Variants in ZNF365 observed in about 807,000 individuals in gnomAD.
ZNF365 encodes zinc finger protein 365, also known as protein ZNF365.
Under a neutral mutation model 35.0 loss-of-function variants are expected in ZNF365, and 22 were observed. That is an observed-to-expected ratio of 0.63 (90% CI 0.45 to 0.90). The LOEUF (loss-of-function observed/expected upper bound fraction) is 0.90, where lower values mean the gene tolerates loss of function less well. Among genes scored for constraint, ZNF365 ranks in the 40% least tolerant of loss-of-function variants. The pLI is 0.00. For synonymous variants in ZNF365, 188 were observed against 196.2 expected (o/e 0.96, Z 0.35); for missense variants, 448 against 500.3 (o/e 0.90, Z 1.00).
At chr10:62,472,566 G>A (rs533633970) in intron 4 of ZNF365, among the ~76,000 whole-genome samples, 5 of 152,292 alleles carry the variant, frequency 3.3e-5, no homozygotes, top group African/African-American at 1.2e-4. Context: ...GCAAAGTGAG[G>A]AGAGGGGCCT....
rs370438883 is a variant in ZNF365, at chr10:62,376,769, G to A, written c.576G>A (p.Ala192=). Residue 192 remains alanine (A), a synonymous_variant, in exon 2 of 5, where the codon GCG becomes GCA. Transcript: ENST00000395254. The part of the protein sequence containing the change: ...KLTKELAQKT[A]ELLEVRAAFV... ...CCAAAGAGTTGGCCCAGAAAACTGC[G>A]GAACTGTTGGAAGTTCGGGCAGCTT... 11 of 1,614,048 alleles carry A rather than the reference G, an allele frequency of 6.8e-6. No individual in the cohort carries two copies. The highest frequency in any genetic ancestry group is 2.2e-5 in the South Asian group (2 of 91,086).
At chr10:62,477,569 C>T (rs1221480762) in intron 4 of ZNF365, among the ~76,000 whole-genome samples, 4 of 152,068 alleles carry the variant, frequency 2.6e-5, no homozygotes, top group Admixed American at 2.6e-4. Flanking sequence ...TTATTAGCAC[C>T]GTTTATTGCT....
intron 3 of ZNF365, among the ~76,000 whole-genome samples, chr10:62,441,266 A>G (rs138943536): frequency 1.3e-3 from 192 of 152,274 alleles, no homozygotes; most frequent in African/African-American, 4.2e-3. Flanking sequence ...CATACTTAGA[A>G]CCATTCTACA....
Position 62,376,904 on chromosome 10 carries a change from G to C in ZNF365, c.711G>C (p.Thr237=), listed in dbSNP as rs376981865. ...EMIAVLRQRL[T]ESEEELLRKE... is the part of the protein sequence containing the mutation. The stretch of plus-strand genomic sequence containing the variant: ...TAGCTGTACTGAGGCAACGCCTGAC[G>C]GAATCTGAGGAGGAGCTTCTTAGGA... The change falls in exon 2 of 5, where the codon ACG becomes ACC. Residue 237 remains threonine, a synonymous_variant. Coordinates refer to ENST00000395254, the MANE Select transcript of ZNF365 (RefSeq NM_014951.3). 1 of 1,613,346 alleles carries C rather than the reference G, an allele frequency of 6.2e-7. No individual in the cohort carries two copies. Among genetic ancestry groups the C allele is most frequent in the African/African-American group, 1.3e-5 (1 of 74,970 alleles).
At chr10:62,435,232 G>T (rs773253408) in intron 3 of ZNF365, among the ~76,000 whole-genome samples, 1 of 152,132 alleles carries the variant, frequency 6.6e-6, no homozygotes, top group Non-Finnish European at 1.5e-5. Flanking sequence ...TCTCTGCATT[G>T]GTGGGTGAAA....
At chr10:62,455,979 T>G (rs1312558921) in intron 3 of ZNF365, among the ~76,000 whole-genome samples, 1 of 152,170 alleles carries the variant, frequency 6.6e-6, no homozygotes, top group Non-Finnish European at 1.5e-5. Flanking sequence ...TGTTGTTTGA[T>G]TCATTGACTT....
At chr10:62,393,454 G>A (rs1207197085) in intron 3 of ZNF365, among the ~76,000 whole-genome samples, 1 of 152,152 alleles carries the variant, frequency 6.6e-6, no homozygotes, top group African/African-American at 2.4e-5. Context: ...TAACAGCTAT[G>A]GTGTCACTTG....
intron 3 of ZNF365, among the ~76,000 whole-genome samples, chr10:62,445,846 G>A (rs1208349251): frequency 1.3e-5 from 2 of 152,174 alleles, no homozygotes; most frequent in African/African-American, 4.8e-5. Flanking sequence ...GCCTCGGTCA[G>A]ACCATGGTAG....
chr10:62,469,452 G>T (rs1840997858), intron 4 of ZNF365, among the ~76,000 whole-genome samples: 1 of 152,170 alleles, frequency 6.6e-6, no homozygotes, highest in South Asian at 2.1e-4. Context: ...CACTGACACA[G>T]TTAAATACCC....
chr10:62,432,279 G>A (rs10761635), intron 3 of ZNF365, among the ~76,000 whole-genome samples: 91,203 of 151,920 alleles, frequency 0.6, 28,414 homozygotes, highest in East Asian at 0.84. Context: ...TTTTAGGAGA[G>A]CAGTTTCTTG....
rs1564574880 is a variant in ZNF365 at position 62,400,544 on chromosome 10, A to C, written c.*755A>C. The C allele has an allele frequency of 1.0e-6, 1 of 985,960 alleles. No individual in the cohort carries two copies. Among genetic ancestry groups the C allele is most frequent in the East Asian group, 1.1e-4 (1 of 8,954 alleles). 61.1% of individuals were successfully genotyped at this position (985,960 alleles called of 1,614,324 possible). ...TCTATCTTAATAGCTGCTTCTGTGGATATGGCTGGGGAGCGAAGTAAAATC... is the reference window on the plus strand; with the variant it reads ...TCTATCTTAATAGCTGCTTCTGTGGCTATGGCTGGGGAGCGAAGTAAAATC... On this transcript the variant is annotated 3_prime_UTR_variant, in exon 5 of 5. Coordinates refer to ENST00000395254, the MANE Select transcript of ZNF365 (RefSeq NM_014951.3).
intron 3 of ZNF365, among the ~76,000 whole-genome samples, chr10:62,421,168 A>C (rs948421585): frequency 3.3e-5 from 5 of 152,198 alleles, no homozygotes. Flanking sequence ...TGTCTAAGTC[A>C]TCAACAATCT....
At chr10:62,426,005 T>C (rs1465732616) in intron 3 of ZNF365, among the ~76,000 whole-genome samples, 2 of 152,294 alleles carry the variant, frequency 1.3e-5, no homozygotes, top group African/African-American at 4.8e-5. Context: ...TCAGTAATGA[T>C]TGACAAACTT....
intron 4 of ZNF365, 32 bp downstream of exon 4, chr10:62,398,809 G>A: frequency 6.3e-7 from 1 of 1,590,928 alleles, no homozygotes; most frequent in Non-Finnish European, 8.6e-7. Context: ...TGGGCCATTT[G>A]ATAATGTTTG....
chr10:62,410,535 G>A (rs1839969969), intron 3 of ZNF365, among the ~76,000 whole-genome samples: 1 of 151,952 alleles, frequency 6.6e-6, no homozygotes, highest in Non-Finnish European at 1.5e-5. Context: ...CCTCCCCATA[G>A]GCACCTGTGT....
chr10:62,446,154 GT>G (rs1179198343), intron 3 of ZNF365, among the ~76,000 whole-genome samples: 1 of 152,166 alleles, frequency 6.6e-6, no homozygotes, highest in Non-Finnish European at 1.5e-5. Context: ...GAGTCCCGCA[GT>G]TCTATTTGTA....
intron 4 of ZNF365, among the ~76,000 whole-genome samples, chr10:62,476,301 A>G (rs955712085): frequency 1.3e-5 from 2 of 152,200 alleles, no homozygotes; most frequent in African/African-American, 2.4e-5. Context: ...AGTTTGATAG[A>G]GTTTCTACAG....
intron 2 of ZNF365, among the ~76,000 whole-genome samples, chr10:62,377,870 A>G (rs1287649161): frequency 6.6e-6 from 1 of 152,228 alleles, no homozygotes; most frequent in African/African-American, 2.4e-5. Context: ...TTTGAGTTCT[A>G]TTATAGAGAT....
intron 3 of ZNF365, among the ~76,000 whole-genome samples, chr10:62,451,029 C>G (rs546758337): frequency 5.3e-5 from 8 of 152,278 alleles, no homozygotes; most frequent in Admixed American, 5.2e-4. Context: ...TTCTCACTGC[C>G]TGGTGTTTAG....
Sources: gnomAD v4.1 joint callset for allele counts (sites outside exome capture counted in the v4.1 genomes callset) on GRCh38, gnomAD v4.1.1 for gene constraint, MANE v1.5 for transcripts, NCBI Gene and HGNC (gene_info 2026-07-23, HGNC 2026-07-21) for gene names.